The following AJAP1 variants were observed in gnomAD, a reference collection of about 807,000 sequenced individuals.
AJAP1 encodes adherens junction-associated protein 1.
AJAP1 carries 5 observed loss-of-function variants against 35.0 expected under a neutral mutation model. That is an observed-to-expected ratio of 0.14 (90% CI 0.07 to 0.30). The LOEUF is 0.30. AJAP1 is among the 10% of genes least tolerant of loss of function. The probability of loss-of-function intolerance (pLI) is 1.00; values close to 1 mark genes in which losing one functional copy is unlikely to be tolerated. For synonymous variants in AJAP1, 284 were observed against 249.3 expected (o/e 1.14, Z -1.31); for missense variants, 586 against 571.0 (o/e 1.03, Z -0.27).
At chr1:4,702,698 G>A (rs1220710964) in intron 1 of AJAP1, among the ~76,000 whole-genome samples, 1 of 152,146 alleles carries the variant, frequency 6.6e-6, no homozygotes, top group African/African-American at 2.4e-5. Context: ...TTGGTGTGCT[G>A]GGGCAGGGAG....
chr1:4,729,296 G>A (rs562671300), intron 2 of AJAP1, among the ~76,000 whole-genome samples: 12 of 152,196 alleles, frequency 7.9e-5, no homozygotes, highest in East Asian at 1.9e-4. Context: ...TCTCGAGGGC[G>A]TCACTCCTCC....
Position 4,781,367 on chromosome 1 carries a change from C to T in AJAP1, c.*60-1178C>T, listed in dbSNP as rs531635633. 2.1e-3 allele frequency among the ~76,000 whole-genome samples: 322 copies of T among 152,306 alleles called. 1 individual carries two copies. Among genetic ancestry groups the T allele is most frequent in the South Asian group, 7.9e-3 (38 of 4,820 alleles). On this transcript the variant is annotated intron_variant, in intron 5 of 5. Transcript: ENST00000378191. ...CTGGGGAGCTCTGAAAACCCACGTT[C>T]ACAAACACTACCCCGAGACCCTGAT...
intron 2 of AJAP1, among the ~76,000 whole-genome samples, chr1:4,749,857 C>T (rs986478837): frequency 3.9e-5 from 6 of 152,168 alleles, no homozygotes; most frequent in Middle Eastern, 3.4e-3. Context: ...TGTCCATGCC[C>T]GTGCGTCTGT....
At chr1:4,738,396 C>G (rs370561873) in intron 2 of AJAP1, among the ~76,000 whole-genome samples, 1 of 152,194 alleles carries the variant, frequency 6.6e-6, no homozygotes, top group Non-Finnish European at 1.5e-5. Context: ...AGTTAGCATG[C>G]GTGAGGGGCC....
chr1:4,672,506 A>G (rs1014436174), intron 1 of AJAP1, among the ~76,000 whole-genome samples: 4 of 152,190 alleles, frequency 2.6e-5, no homozygotes, highest in African/African-American at 9.7e-5. Context: ...TCCCAGGACC[A>G]CACTGTCTGG....
intron 1 of AJAP1, among the ~76,000 whole-genome samples, chr1:4,658,182 G>A (rs995519995): frequency 1.3e-5 from 2 of 152,188 alleles, no homozygotes; most frequent in African/African-American, 4.8e-5. Context: ...TTGCTGGGTT[G>A]CGCTCAGGAC....
At chr1:4,730,620 C>T (rs1252467996) in intron 2 of AJAP1, among the ~76,000 whole-genome samples, 1 of 152,248 alleles carries the variant, frequency 6.6e-6, no homozygotes, top group African/African-American at 2.4e-5. Context: ...CTAGCAAAGG[C>T]ATTGTCCACC....
intron 2 of AJAP1, among the ~76,000 whole-genome samples, chr1:4,762,437 T>TGGGGTCAGCCATGCCA (rs1641587406): frequency 1.3e-5 from 2 of 152,340 alleles, no homozygotes; most frequent in South Asian, 4.1e-4. Context: ...GGCTGGAGAC[T>TGGGGTCAGCCATGCCA]GGGGTCAGCC....
At chr1:4,664,366 A>G (rs779693177) in intron 1 of AJAP1, among the ~76,000 whole-genome samples, 2 of 152,160 alleles carry the variant, frequency 1.3e-5, no homozygotes, top group Non-Finnish European at 2.9e-5. Flanking sequence ...ACCGCACAGA[A>G]CATACATGGA....
intron 1 of AJAP1, among the ~76,000 whole-genome samples, chr1:4,691,793 G>T (rs1193256755): frequency 6.6e-6 from 1 of 152,164 alleles, no homozygotes; most frequent in African/African-American, 2.4e-5. Flanking sequence ...GAAAACGTGT[G>T]TGGGGGACAA....
Position 4,720,911 on chromosome 1 carries a change from G to A in AJAP1, c.829+8212G>A, listed in dbSNP as rs1238537906. ...TCAGACCTACCTCAGGAAGCCCTCA[G>A]CCTGGCTCCCTTAATGTGCCAGGTC... On this transcript the variant is annotated intron_variant, in intron 2 of 5. Coordinates refer to ENST00000378191, the MANE Select transcript of AJAP1 (RefSeq NM_018836.4). This position sits in a 1 kb window ranked among gnomAD's most constrained non-coding sequence, Gnocchi z 4.4. Among the ~76,000 whole-genome samples the A allele has an allele frequency of 6.6e-6, 1 of 152,196 alleles. No individual in the cohort carries two copies. The highest frequency in any genetic ancestry group is 1.5e-5 in the Non-Finnish European group (1 of 68,040).
At chr1:4,669,457 G>A (rs879439313) in intron 1 of AJAP1, among the ~76,000 whole-genome samples, 3 of 152,158 alleles carry the variant, frequency 2.0e-5, no homozygotes, top group South Asian at 2.1e-4. Flanking sequence ...TTCACAGGGC[G>A]GCAGGATGAA....
chr1:4,723,548 C>T lies in AJAP1; in HGVS notation c.829+10849C>T, dbSNP rs142399797. Among the ~76,000 whole-genome samples, 22 of 152,090 alleles carry T rather than the reference C, an allele frequency of 1.4e-4. No homozygotes were observed. Among genetic ancestry groups the T allele is most frequent in the African/African-American group, 2.9e-4 (12 of 41,482 alleles). ...TGTTCCCAGAGCATGGAGGGGTCCT[C>T]GTGGCGGAGCTCCCAGAGACATGAA... On this transcript the variant is annotated intron_variant, in intron 2 of 5. Transcript: ENST00000378191. The surrounding 1 kb of genome is among the most constrained non-coding windows in gnomAD (Gnocchi z 4.3).
At chr1:4,729,908 C>T (rs1046937168) in intron 2 of AJAP1, among the ~76,000 whole-genome samples, 2 of 152,204 alleles carry the variant, frequency 1.3e-5, no homozygotes, top group South Asian at 2.1e-4. Context: ...GTGTCATTCT[C>T]AGGCACTTGC....
chr1:4,740,270 C>A (rs1199459321), intron 2 of AJAP1, among the ~76,000 whole-genome samples: 2 of 109,862 alleles, frequency 1.8e-5, no homozygotes, highest in Non-Finnish European at 3.8e-5. Context: ...CACAAAAGGA[C>A]AAACTCTGTC....
intron 5 of AJAP1, among the ~76,000 whole-genome samples, chr1:4,781,583 T>C (rs756620062): frequency 6.6e-6 from 1 of 152,238 alleles, no homozygotes; most frequent in Non-Finnish European, 1.5e-5. Context: ...CTTTCTGATA[T>C]GTGTCATCTG....
At chr1:4,740,622 A>G (rs912804163) in intron 2 of AJAP1, among the ~76,000 whole-genome samples, 3 of 151,378 alleles carry the variant, frequency 2.0e-5, no homozygotes, top group African/African-American at 7.3e-5. Flanking sequence ...CGTCTCTACT[A>G]AAAAATACAA....
rs1481373242 is a variant in AJAP1, at chr1:4,789,730, T to C, written c.*7245T>C. ...TGGGCAAGTCCTTGCCCCTAGAAAA[T>C]TGGGGATAGCTTTGGCCATGGGAGG... On this transcript the variant is annotated 3_prime_UTR_variant, in exon 6 of 6. Coordinates refer to ENST00000378191, the MANE Select transcript of AJAP1 (RefSeq NM_018836.4). This position sits in a 1 kb window ranked among gnomAD's most constrained non-coding sequence, Gnocchi z 4.4. The C allele has an allele frequency of 6.6e-6, 1 of 152,206 alleles. No individual in the cohort carries two copies. The highest frequency in any genetic ancestry group is 1.5e-5 in the Non-Finnish European group (1 of 68,044). 9.4% of individuals were successfully genotyped at this position (152,206 alleles called of 1,614,324 possible).
chr1:4,729,569 T>G (rs1640751719), intron 2 of AJAP1, among the ~76,000 whole-genome samples: 1 of 152,218 alleles, frequency 6.6e-6, no homozygotes, highest in African/African-American at 2.4e-5. Context: ...GCTGGTTCCT[T>G]CTGGGGCTGT....
Sources: gnomAD v4.1 joint callset for allele counts (sites outside exome capture counted in the v4.1 genomes callset) on GRCh38, gnomAD v4.1.1 for gene constraint, Gnocchi (gnomAD v3.1) non-coding constraint, MANE v1.5 for transcripts, NCBI Gene and HGNC (gene_info 2026-07-23, HGNC 2026-07-21) for gene names.